Variants in GSK3B observed in about 807,000 individuals in gnomAD.
GSK3B encodes the protein glycogen synthase kinase 3 beta.
In GSK3B, 15 loss-of-function variants were observed where a neutral mutation model predicts 56.4. The observed-to-expected ratio is 0.27, with a 90% CI of 0.18 to 0.41. The LOEUF is 0.41. Ranked by LOEUF, GSK3B falls within the 10% of genes least tolerant of loss-of-function variation. GSK3B has a pLI of 1.00. For synonymous variants in GSK3B, 181 were observed against 188.9 expected, an observed-to-expected ratio of 0.96 and a Z score of 0.34; for missense variants, 300 against 513.4, an observed-to-expected ratio of 0.58 and a Z score of 4.02.
chr3:119,981,565 C>A (rs184768844), intron 2 of GSK3B, among the ~76,000 whole-genome samples: 1 of 152,378 alleles, frequency 6.6e-6, no homozygotes, highest in African/African-American at 2.4e-5. Context: ...CTCGGCGGGT[C>A]CCACGCCCAC....
At chr3:119,945,253 TC>T (rs1228805485) in intron 3 of GSK3B, among the ~76,000 whole-genome samples, 4 of 152,198 alleles carry the variant, frequency 2.6e-5, no homozygotes, top group Non-Finnish European at 5.9e-5. Flanking sequence ...CTTCTCTTCT[TC>T]CTTTTTGTTT....
intron 7 of GSK3B, among the ~76,000 whole-genome samples, chr3:119,877,610 T>G (rs2056329215): frequency 1.3e-5 from 2 of 152,180 alleles, no homozygotes; most frequent in Admixed American, 6.5e-5. Flanking sequence ...CGTCAACAAT[T>G]CATTCAGTCG....
intron 1 of GSK3B, among the ~76,000 whole-genome samples, chr3:120,090,521 C>A (rs1183861872): frequency 6.6e-6 from 1 of 152,174 alleles, no homozygotes; most frequent in African/African-American, 2.4e-5. Context: ...GTCTTCCAGG[C>A]CAGTAACATC....
chr3:119,897,378 T>C (rs1359564136), intron 7 of GSK3B, among the ~76,000 whole-genome samples: 2 of 152,126 alleles, frequency 1.3e-5, no homozygotes, highest in Non-Finnish European at 2.9e-5. Context: ...AATAATTCTT[T>C]TAATGCCTCC....
intron 2 of GSK3B, among the ~76,000 whole-genome samples, chr3:119,950,181 T>C (rs1438694942): frequency 6.6e-6 from 1 of 152,204 alleles, no homozygotes; most frequent in Non-Finnish European, 1.5e-5. Context: ...AACTGAGTGA[T>C]GATTTATGTC....
At chr3:119,923,607 T>C (rs572897331) in intron 3 of GSK3B, 124 bp from the exon 4 acceptor site, 24 of 461,406 alleles carry the variant, frequency 5.2e-5, no homozygotes, top group Non-Finnish European at 8.8e-5. Flanking sequence ...AATGTGTCAC[T>C]TTTAATTATA....
chr3:120,059,951 C>T lies in GSK3B; in HGVS notation c.88+33396G>A, dbSNP rs1213597969. Among the ~76,000 whole-genome samples, 8 of 152,306 alleles carry T rather than the reference C, an allele frequency of 5.3e-5. No individual in the cohort carries two copies. In the South Asian group the frequency reaches 1.5e-3, roughly 28 times the overall value. ...AGAACATCTAATCATTCCACAAATA[C>T]TGAGTGCCCACTATTCATTTATTCA... On this transcript the variant is annotated intron_variant, in intron 1 of 10. Coordinates refer to ENST00000264235, the MANE Select transcript of GSK3B (RefSeq NM_001146156.2).
At chr3:119,851,954 C>T (rs2055936344) in intron 9 of GSK3B, among the ~76,000 whole-genome samples, 1 of 152,176 alleles carries the variant, frequency 6.6e-6, no homozygotes, top group Non-Finnish European at 1.5e-5. Context: ...TCTAATGGTG[C>T]TTACTTACTT....
At chr3:119,936,010 G>A (rs894839298) in intron 3 of GSK3B, among the ~76,000 whole-genome samples, 9 of 152,054 alleles carry the variant, frequency 5.9e-5, no homozygotes, top group Non-Finnish European at 1.0e-4. Context: ...TAGAGAAAAA[G>A]CACTTGCCAA....
At chr3:120,089,743 A>G (rs2058495602) in intron 1 of GSK3B, among the ~76,000 whole-genome samples, 1 of 151,732 alleles carries the variant, frequency 6.6e-6, no homozygotes, top group Non-Finnish European at 1.5e-5. Flanking sequence ...ATTTTAACCA[A>G]AAGTGCCACA....
intron 1 of GSK3B, among the ~76,000 whole-genome samples, chr3:120,070,581 T>C (rs1389218775): frequency 1.3e-5 from 2 of 151,230 alleles, no homozygotes; most frequent in Non-Finnish European, 1.5e-5. Flanking sequence ...TACCTAAAGA[T>C]GGTATCAAAT....
intron 3 of GSK3B, among the ~76,000 whole-genome samples, chr3:119,923,690 G>GA (rs778136524): frequency 6.6e-6 from 1 of 151,948 alleles, no homozygotes; most frequent in African/African-American, 2.4e-5. Context: ...ATTCAATGGG[G>GA]AAAAAATAGT....
At position 120,093,692 on chromosome 3, in the gene GSK3B, C is replaced by A; in HGVS notation, c.-258G>T. ...TTAGGACTTGGGAAAAAATACAATT[C>A]TTTCCCCTCCCTTTCCTGGGAGGAG... On this transcript the variant is annotated 5_prime_UTR_variant, in exon 1 of 11. Coordinates refer to ENST00000264235, the MANE Select transcript of GSK3B (RefSeq NM_001146156.2). 2.7e-6 allele frequency: 1 copy of A among 368,114 alleles called. No individual in the cohort carries two copies. Among genetic ancestry groups the A allele is most frequent in the Non-Finnish European group, 4.9e-6 (1 of 204,994 alleles). 22.8% of individuals were successfully genotyped at this position (368,114 alleles called of 1,614,324 possible).
chr3:120,085,161 A>C (rs1435313300), intron 1 of GSK3B, among the ~76,000 whole-genome samples: 1 of 152,236 alleles, frequency 6.6e-6, no homozygotes, highest in Non-Finnish European at 1.5e-5. Flanking sequence ...CAAAATAGGT[A>C]AATAAAACAT....
At chr3:120,080,758 G>T (rs147529158) in intron 1 of GSK3B, among the ~76,000 whole-genome samples, 505 of 151,930 alleles carry the variant, frequency 3.3e-3, no homozygotes, top group Non-Finnish European at 5.7e-3. Context: ...TTGAACCTGG[G>T]AGGCAGAGAT....
intron 9 of GSK3B, 182 bp from the exon 10 acceptor site, chr3:119,843,535 G>A (rs1195496367): frequency 1.1e-5 from 3 of 279,522 alleles, no homozygotes; most frequent in African/African-American, 6.9e-5. Flanking sequence ...CTGAGGTCAG[G>A]AGTTCGAGAT....
intron 3 of GSK3B, among the ~76,000 whole-genome samples, chr3:119,931,129 C>T (rs939747640): frequency 2.0e-5 from 3 of 152,172 alleles, no homozygotes; most frequent in African/African-American, 7.2e-5. Context: ...TTCCAAAGTA[C>T]GGTTTTGTTT....
intron 1 of GSK3B, among the ~76,000 whole-genome samples, chr3:120,074,455 G>A (rs1001538590): frequency 4.0e-5 from 6 of 150,862 alleles, no homozygotes; most frequent in Admixed American, 2.0e-4. Context: ...GGGTTCAAGC[G>A]ATTCTCCTGC....
intron 5 of GSK3B, among the ~76,000 whole-genome samples, chr3:119,914,394 A>G (rs1402709110): frequency 6.6e-6 from 1 of 152,052 alleles, no homozygotes; most frequent in Non-Finnish European, 1.5e-5. Flanking sequence ...GAATAAAGCT[A>G]TTTTATGTCC....
Sources: allele counts gnomAD v4.1 joint callset (sites outside exome capture counted in the v4.1 genomes callset), GRCh38; gene constraint gnomAD v4.1.1; transcripts MANE v1.5; gene names NCBI Gene and HGNC (gene_info 2026-07-23, HGNC 2026-07-21).